The following ZNF234 variants were observed in gnomAD, a reference collection of about 807,000 sequenced individuals.
The protein encoded by ZNF234 is C2-H2 type zinc finger protein.
ZNF234 carries 4 observed loss-of-function variants against 10.3 expected under a neutral mutation model. The observed-to-expected ratio is 0.39, with a 90% CI of 0.19 to 0.89. ZNF234 has a LOEUF of 0.89. Among genes scored for constraint, ZNF234 ranks in the 40% least tolerant of loss-of-function variants. The probability of loss-of-function intolerance (pLI) is 0.38; values close to 1 mark genes in which losing one functional copy is unlikely to be tolerated. For missense variants in ZNF234, 711 were observed against 836.1 expected, an observed-to-expected ratio of 0.85 and a Z score of 1.85; for synonymous variants, 258 against 280.1, an observed-to-expected ratio of 0.92 and a Z score of 0.79.
chr19:44,153,478 G>A (rs1239751394), intron 5 of ZNF234, among the ~76,000 whole-genome samples: 1 of 151,880 alleles, frequency 6.6e-6, no homozygotes, highest in African/African-American at 2.4e-5. Context: ...TTCTATCCTG[G>A]TTCTTTTATT....
intron 5 of ZNF234, among the ~76,000 whole-genome samples, chr19:44,153,998 C>T (rs980513400): frequency 6.6e-6 from 1 of 152,190 alleles, no homozygotes; most frequent in Non-Finnish European, 1.5e-5. Context: ...CATTAAACAA[C>T]CAGTAATTTA....
chr19:44,157,121 G>A lies in ZNF234; in HGVS notation c.1105G>A (p.Glu369Lys), dbSNP rs772788061. Residue 369 changes from glutamate to lysine, a missense_variant, in exon 6 of 6, where the codon GAG becomes AAG. Coordinates refer to ENST00000426739, the MANE Select transcript of ZNF234 (RefSeq NM_006630.3). ...FQAHRRIHTGEKPYVCKVCGK... is the reference protein window; with the variant it reads ...FQAHRRIHTGKKPYVCKVCGK... Reference sequence around the variant, plus strand: ...GGCCCATCGGAGAATCCACACTGGAGAGAAACCATACGTATGTAAAGTGTG... The same window carrying A: ...GGCCCATCGGAGAATCCACACTGGAAAGAAACCATACGTATGTAAAGTGTG... 1 of 1,614,196 alleles carries A rather than the reference G, an allele frequency of 6.2e-7. No homozygotes were observed. Among genetic ancestry groups the A allele is most frequent in the Non-Finnish European group, 8.5e-7 (1 of 1,180,028 alleles).
rs115219371 is a variant in ZNF234 at position 44,155,614 on chromosome 19, C to T, written c.236-638C>T. 6.0e-3 allele frequency among the ~76,000 whole-genome samples: 912 copies of T among 152,108 alleles called. 10 individuals carry two copies. The highest frequency in any genetic ancestry group is 0.017 in the African/African-American group (725 of 41,468). Reference sequence around the variant, plus strand: ...TGCAGGTCAAACCTGTGTTGTTCAACGGTCAACTGTATTTTGAACATGTAA... The same window carrying T: ...TGCAGGTCAAACCTGTGTTGTTCAATGGTCAACTGTATTTTGAACATGTAA... On this transcript the variant is annotated intron_variant, in intron 5 of 5. Transcript: ENST00000426739.
At position 44,157,515 on chromosome 19, in the gene ZNF234, A is replaced by C; in HGVS notation, c.1499A>C (p.Lys500Thr). Residue 500 changes from lysine to threonine, a missense_variant, in exon 6 of 6, where the codon AAA becomes ACA. Coordinates refer to ENST00000426739, the MANE Select transcript of ZNF234 (RefSeq NM_006630.3). ...GKGFSRRADL[K>T]IHCRIHTGEK... ...GGATTTAGTCGTAGAGCAGATCTTA[A>C]AATTCATTGTAGGATCCACACAGGG... is the stretch of plus-strand genomic sequence containing the variant. The C allele has an allele frequency of 6.2e-7, 1 of 1,614,088 alleles. No homozygotes were observed. Among genetic ancestry groups the C allele is most frequent in the South Asian group, 1.1e-5 (1 of 91,080 alleles).
chr19:44,151,587 T>C (rs1454141079), intron 5 of ZNF234, among the ~76,000 whole-genome samples: 1 of 152,192 alleles, frequency 6.6e-6, no homozygotes, highest in African/African-American at 2.4e-5. Context: ...AGTTCTTTGT[T>C]TGAAGTCCAA....
chr19:44,154,066 G>A (rs1968811972), intron 5 of ZNF234, among the ~76,000 whole-genome samples: 1 of 152,216 alleles, frequency 6.6e-6, no homozygotes, highest in Non-Finnish European at 1.5e-5. Context: ...GTTGCTAGAG[G>A]TGAATTGGGT....
At position 44,156,352 on chromosome 19, in the gene ZNF234, C is replaced by T; in HGVS notation, c.336C>T (p.Ile112=). 1 of 1,611,116 alleles carries T rather than the reference C, an allele frequency of 6.2e-7. No individual in the cohort carries two copies. The highest frequency in any genetic ancestry group is 8.5e-7 in the Non-Finnish European group (1 of 1,179,074). Residue 112 remains isoleucine, a synonymous_variant, in exon 6 of 6, where the codon ATC becomes ATT. Coordinates refer to ENST00000426739, the MANE Select transcript of ZNF234 (RefSeq NM_006630.3). ...GGAAACAGATTGCAAGTGATTTAAT[C>T]AAGTATGAAGACTCTATGATAAGTA... ...QIWKQIASDL[I]KYEDSMISIS... is the part of the protein sequence containing the mutation.
At chr19:44,143,211 G>T (rs1968507571) in intron 2 of ZNF234, among the ~76,000 whole-genome samples, 1 of 149,132 alleles carries the variant, frequency 6.7e-6, no homozygotes, top group African/African-American at 2.6e-5. Context: ...TTATGGAACT[G>T]AGGCACTCAG....
chr19:44,144,627 G>A lies in ZNF234; in HGVS notation c.-6G>A, dbSNP rs888140513. On this transcript the variant is annotated 5_prime_UTR_variant, in exon 3 of 6. Transcript: ENST00000426739. ...ACTCTGCAAATTCCCAGAAACAGGA[G>A]GAAAAATGACCACATTCAAGGTGAA... The A allele has an allele frequency of 5.7e-6, 9 of 1,573,070 alleles. No homozygotes were observed. Among genetic ancestry groups the A allele is most frequent in the Non-Finnish European group, 7.8e-6 (9 of 1,155,870 alleles).
Position 44,158,085 on chromosome 19 carries a change from G to A in ZNF234, c.2069G>A (p.Arg690Lys). The change falls in exon 6 of 6, where the codon AGA becomes AAA. Residue 690 changes from arginine to lysine, a missense_variant. Coordinates refer to ENST00000426739, the MANE Select transcript of ZNF234 (RefSeq NM_006630.3). ...AATGATGAGAATAGTAAGAACATCA[G>A]AGAGTTGTCAGAGGGAGGAAGTTCT... ...YENDENSKNI[R>K]ELSEGGSSTR 1 of 1,607,156 alleles carries A rather than the reference G, an allele frequency of 6.2e-7. No homozygotes were observed. Among genetic ancestry groups the A allele is most frequent in the Non-Finnish European group, 8.5e-7 (1 of 1,178,160 alleles).
At chr19:44,153,160 T>TATATATATATATA (rs1568552108) in intron 5 of ZNF234, among the ~76,000 whole-genome samples, 15 of 64,918 alleles carry the variant, frequency 2.3e-4, no homozygotes, top group African/African-American at 1.0e-3. Context: ...TAATCATGTA[T>TATATATATATATA]TCATCATATA....
Position 44,157,522 on chromosome 19 carries a change from T to C in ZNF234, c.1506T>C (p.His502=), listed in dbSNP as rs368463448. The C allele has an allele frequency of 3.2e-5, 52 of 1,613,980 alleles. No homozygotes were observed. The highest frequency in any genetic ancestry group is 1.8e-4 in the East Asian group (8 of 44,876). ...GFSRRADLKI[H]CRIHTGEKPY... Reference sequence around the variant, plus strand: ...GTCGTAGAGCAGATCTTAAAATTCATTGTAGGATCCACACAGGGGAGAAAC... The same window carrying C: ...GTCGTAGAGCAGATCTTAAAATTCACTGTAGGATCCACACAGGGGAGAAAC... The change falls in exon 6 of 6, where the codon CAT becomes CAC. Residue 502 remains histidine (H), a synonymous_variant. Coordinates refer to ENST00000426739, the MANE Select transcript of ZNF234 (RefSeq NM_006630.3).
At chr19:44,145,997 T>C (rs772833282) in intron 3 of ZNF234, among the ~76,000 whole-genome samples, 18 of 152,216 alleles carry the variant, frequency 1.2e-4, no homozygotes, top group Non-Finnish European at 2.9e-5. Context: ...CTCTTCTTCC[T>C]CTTAAACAGG....
intron 2 of ZNF234, among the ~76,000 whole-genome samples, chr19:44,143,566 G>A (rs1338114657): frequency 6.7e-6 from 1 of 148,944 alleles, no homozygotes; most frequent in East Asian, 2.0e-4. Context: ...CCGAGATTGC[G>A]CCATTGCACC....
intron 1 of ZNF234, chr19:44,142,111 C>T (rs1391855018): frequency 1.3e-5 from 2 of 152,346 alleles, no homozygotes; most frequent in African/African-American, 4.8e-5. Context: ...CTGTTAGGTC[C>T]CCCGGTGGGG....
chr19:44,144,442 G>T, intron 2 of ZNF234, 115 bp from the exon 3 acceptor site: 2 of 423,806 alleles, frequency 4.7e-6, no homozygotes, highest in Non-Finnish European at 4.1e-6. Flanking sequence ...GTGCAGTTTG[G>T]GATTATTATG....
rs1268670391 is a variant in ZNF234 at position 44,158,875 on chromosome 19, C to T, written c.*756C>T. The T allele has an allele frequency of 1.3e-5, 2 of 152,550 alleles. No individual in the cohort carries two copies. Among genetic ancestry groups the T allele is most frequent in the African/African-American group, 4.8e-5 (2 of 41,446 alleles). 9.4% of individuals were successfully genotyped at this position (152,550 alleles called of 1,614,324 possible). ...TGCTACCGAATCTATACAACCTTAA[C>T]ATTGACTAGTGCTTGTAGGTGTGCT... On this transcript the variant is annotated 3_prime_UTR_variant, in exon 6 of 6. Coordinates refer to ENST00000426739, the MANE Select transcript of ZNF234 (RefSeq NM_006630.3).
In ZNF234 at chr19:44,158,019, T is replaced by C. The variant is rs1181136609; in HGVS notation, c.2003T>C (p.Val668Ala). Residue 668 changes from valine to alanine, a missense_variant, in exon 6 of 6, where the codon GTA (valine) becomes GCA (alanine). Transcript: ENST00000426739. Reference protein sequence around the residue: ...GKRFSWRSNLVSHHKIHAAGT... With the variant: ...GKRFSWRSNLASHHKIHAAGT... Reference sequence around the variant, plus strand: ...AGGTTCAGCTGGCGATCAAATCTTGTAAGTCATCACAAAATTCATGCTGCT... The same window carrying C: ...AGGTTCAGCTGGCGATCAAATCTTGCAAGTCATCACAAAATTCATGCTGCT... The C allele has an allele frequency of 1.2e-6, 2 of 1,613,756 alleles. No individual in the cohort carries two copies. The highest frequency in any genetic ancestry group is 1.7e-6 in the Non-Finnish European group (2 of 1,179,866).
At position 44,156,951 on chromosome 19, in the gene ZNF234, G is replaced by A. The variant is rs367842263; in HGVS notation, c.935G>A (p.Gly312Glu). 6.2e-7 allele frequency: 1 copy of A among 1,614,010 alleles called. No individual in the cohort carries two copies. The highest frequency in any genetic ancestry group is 1.3e-5 in the African/African-American group (1 of 74,918). ...AATAATCATTGCATGGTCCACACAG[G>A]AGAGAAACCATACAAATGTGAGGAC... ...ALNNHCMVHT[G>E]EKPYKCEDCG... The change falls in exon 6 of 6, where the codon GGA (glycine) becomes GAA (glutamate). Residue 312 changes from glycine (G) to glutamate (E), a missense_variant. By Grantham distance (98) the Gly-to-Glu change is moderately conservative (BLOSUM62 -2). Coordinates refer to ENST00000426739, the MANE Select transcript of ZNF234 (RefSeq NM_006630.3).
Sources: allele counts gnomAD v4.1 joint callset (sites outside exome capture counted in the v4.1 genomes callset), GRCh38; gene constraint gnomAD v4.1.1; transcripts MANE v1.5; gene names NCBI Gene and HGNC (gene_info 2026-07-23, HGNC 2026-07-21).